The following ZNF385B variants were observed in gnomAD, a reference collection of about 807,000 sequenced individuals.
ZNF385B encodes zinc finger protein 385B, also known as zinc finger protein 533.
In ZNF385B, 23 loss-of-function variants were observed where a neutral mutation model predicts 39.2. The ratio of observed to expected loss-of-function variants is 0.59; its 90% CI spans 0.42 to 0.83. The LOEUF is 0.83. ZNF385B is among the 40% of genes least tolerant of loss of function. The pLI, the probability that ZNF385B is intolerant of heterozygous loss-of-function variation, is 0.00. For synonymous variants in ZNF385B, 205 were observed against 222.6 expected (o/e 0.92, Z 0.70); for missense variants, 552 against 598.9 (o/e 0.92, Z 0.82).
rs145519485 is a variant in ZNF385B, at chr2:179,507,981, T to A, written c.552+10547A>T. Reference sequence around the variant, plus strand: ...TCCAGGGCAAAATGCTGTCGCTTCATTTAAAGAGCGCTTGAGAGATGAAAG... The same window carrying A: ...TCCAGGGCAAAATGCTGTCGCTTCAATTAAAGAGCGCTTGAGAGATGAAAG... On this transcript the variant is annotated intron_variant, in intron 5 of 9. Transcript: ENST00000410066. Among the ~76,000 whole-genome samples the A allele has an allele frequency of 5.1e-4, 78 of 152,324 alleles. 1 individual carries two copies. The East Asian group carries it at 0.014, about 28-fold the overall frequency.
chr2:179,631,428 T>A (rs1691203191), intron 3 of ZNF385B, among the ~76,000 whole-genome samples: 2 of 152,138 alleles, frequency 1.3e-5, no homozygotes, highest in African/African-American at 4.8e-5. Context: ...CTAAGCTTCA[T>A]AAGTGAAGGA....
chr2:179,463,700 G>A (rs2051633848), intron 6 of ZNF385B, among the ~76,000 whole-genome samples: 1 of 152,184 alleles, frequency 6.6e-6, no homozygotes. Flanking sequence ...TTTTATGGCT[G>A]CATAGTATTC....
At chr2:179,768,422 A>C (rs1703827676) in intron 3 of ZNF385B, among the ~76,000 whole-genome samples, 1 of 152,204 alleles carries the variant, frequency 6.6e-6, no homozygotes, top group Non-Finnish European at 1.5e-5. Context: ...ACTTAAGAAA[A>C]CAATTTAATG....
At chr2:179,493,492 C>CATATAT (rs146937321) in intron 5 of ZNF385B, among the ~76,000 whole-genome samples, 1 of 149,444 alleles carries the variant, frequency 6.7e-6, no homozygotes, top group East Asian at 2.0e-4. Flanking sequence ...TATGTATAAA[C>CATATAT]GTGTGTGTAC....
At chr2:179,787,073 G>T (rs1179567946) in intron 1 of ZNF385B, among the ~76,000 whole-genome samples, 1 of 151,466 alleles carries the variant, frequency 6.6e-6, no homozygotes. Context: ...CATGACCTTT[G>T]TTTTTTTCCC....
intron 7 of ZNF385B, 94 bp from the exon 8 acceptor site, chr2:179,445,822 A>T: frequency 8.4e-7 from 1 of 1,196,220 alleles, no homozygotes; most frequent in Non-Finnish European, 1.1e-6. Context: ...TGCAGGCTAA[A>T]ATTCCCAATG....
rs2049420483 is a variant in ZNF385B at position 179,445,856 on chromosome 2, A to C, written c.962-128T>G. On this transcript the variant is annotated intron_variant, in intron 7 of 9. Coordinates refer to ENST00000410066, the MANE Select transcript of ZNF385B (RefSeq NM_152520.6). ...TGCTTTTTTAAAAATGATCACTTTA[A>C]TGCTGATTTTAAATTTAACACGTTA... 4.6e-6 allele frequency: 4 copies of C among 861,324 alleles called. No individual in the cohort carries two copies. In the African/African-American group the frequency reaches 5.3e-5, roughly 11 times the overall value. The allele number at this position is 861,324 out of a possible 1,614,324, so 53.4% of individuals were successfully genotyped here.
chr2:179,797,367 G>A (rs1287631623), intron 1 of ZNF385B, among the ~76,000 whole-genome samples: 8 of 152,100 alleles, frequency 5.3e-5, no homozygotes, highest in African/African-American at 1.9e-4. Context: ...TCTAAAAGAT[G>A]TAAATTAAAA....
At chr2:179,594,204 A>T (rs911493797) in intron 3 of ZNF385B, among the ~76,000 whole-genome samples, 7 of 152,144 alleles carry the variant, frequency 4.6e-5, no homozygotes, top group Non-Finnish European at 7.4e-5. Flanking sequence ...GTTCGTTTAG[A>T]TTAGTAATTT....
At chr2:179,511,291 C>T (rs907817137) in intron 5 of ZNF385B, among the ~76,000 whole-genome samples, 6 of 152,204 alleles carry the variant, frequency 3.9e-5, no homozygotes, top group African/African-American at 7.2e-5. Context: ...AGAATGCCAG[C>T]GCCTCTAGCA....
intron 3 of ZNF385B, among the ~76,000 whole-genome samples, chr2:179,701,319 A>G (rs1484466487): frequency 6.6e-6 from 1 of 152,140 alleles, no homozygotes; most frequent in Non-Finnish European, 1.5e-5. Context: ...TCATCTTTCT[A>G]CACATTCTTC....
At chr2:179,566,843 A>G (rs1684633226) in intron 3 of ZNF385B, among the ~76,000 whole-genome samples, 1 of 151,802 alleles carries the variant, frequency 6.6e-6, no homozygotes, top group Admixed American at 6.6e-5. Context: ...TTTTAATTAC[A>G]TTCATTGGGG....
chr2:179,530,627 G>A (rs776799738), intron 4 of ZNF385B, among the ~76,000 whole-genome samples: 17 of 152,142 alleles, frequency 1.1e-4, no homozygotes, highest in African/African-American at 2.9e-4. Context: ...TTAAAAATGT[G>A]TAACATGAAA....
intron 3 of ZNF385B, among the ~76,000 whole-genome samples, chr2:179,595,462 C>G (rs183346104): frequency 6.6e-6 from 1 of 152,196 alleles, no homozygotes; most frequent in Non-Finnish European, 1.5e-5. Flanking sequence ...GGCCTAAGAT[C>G]TGGCTGTAAT....
chr2:179,813,412 C>T (rs979564393), intron 1 of ZNF385B, among the ~76,000 whole-genome samples: 3 of 151,864 alleles, frequency 2.0e-5, no homozygotes, highest in East Asian at 1.9e-4. Flanking sequence ...TTAATAAATG[C>T]GTGAAAGTAA....
chr2:179,699,073 A>G (rs1415323224), intron 3 of ZNF385B, among the ~76,000 whole-genome samples: 1 of 151,546 alleles, frequency 6.6e-6, no homozygotes, highest in Non-Finnish European at 1.5e-5. Context: ...TGTTATAAAT[A>G]TGCTGGAAAG....
At chr2:179,629,167 A>G (rs534152466) in intron 3 of ZNF385B, among the ~76,000 whole-genome samples, 2 of 152,244 alleles carry the variant, frequency 1.3e-5, no homozygotes, top group South Asian at 4.1e-4. Context: ...GAGGAGACTG[A>G]TTTCTTACAA....
rs1028118913 is a variant in ZNF385B, at chr2:179,843,705, T to C, written c.-155+17396A>G. ...CAGTTCAATGCTACAACCCATCAGA[T>C]CACCTCCTTTTCTGTCCCATTTGGC... On this transcript the variant is annotated intron_variant, in intron 1 of 9. Coordinates refer to ENST00000410066, the MANE Select transcript of ZNF385B (RefSeq NM_152520.6). Among the ~76,000 whole-genome samples the C allele has an allele frequency of 6.6e-5, 10 of 152,216 alleles. No homozygotes were observed. In the South Asian group the frequency reaches 1.4e-3, roughly 22 times the overall value.
At chr2:179,473,605 T>C (rs2053064393) in intron 6 of ZNF385B, among the ~76,000 whole-genome samples, 2 of 152,186 alleles carry the variant, frequency 1.3e-5, no homozygotes, top group African/African-American at 4.8e-5. Flanking sequence ...ACCTGTGCCA[T>C]GGTGGTTTGC....
Sources: allele counts gnomAD v4.1 joint callset (sites outside exome capture counted in the v4.1 genomes callset), GRCh38; gene constraint gnomAD v4.1.1; transcripts MANE v1.5; gene names NCBI Gene and HGNC (gene_info 2026-07-23, HGNC 2026-07-21).